The following EYA1 variants were observed in gnomAD, a reference collection of about 807,000 sequenced individuals.
EYA1 encodes the protein protein phosphatase EYA1.
In EYA1, 16 loss-of-function variants were observed where a neutral mutation model predicts 82.0. The ratio of observed to expected loss-of-function variants is 0.20; its 90% CI spans 0.13 to 0.30. The LOEUF (loss-of-function observed/expected upper bound fraction) is 0.30, where lower values mean the gene tolerates loss of function less well. EYA1 is among the 10% of genes least tolerant of loss of function. EYA1 has a pLI of 1.00. For missense variants in EYA1, 633 were observed against 730.7 expected (o/e 0.87, Z 1.54); for synonymous variants, 261 against 264.4 (o/e 0.99, Z 0.12).
intron 3 of EYA1, among the ~76,000 whole-genome samples, chr8:71,335,491 C>T (rs939947295): frequency 6.6e-5 from 10 of 152,136 alleles, no homozygotes; most frequent in Non-Finnish European, 1.2e-4. Flanking sequence ...AAACAACAAT[C>T]GTGAGACTAA....
rs764086093 is a variant in EYA1, at chr8:71,281,681, G to A, written c.827-9784C>T. Reference sequence around the variant, plus strand: ...TGTGGCTAGGGCCAGTCTCCTGGAGGTGCAGCCTGTGCACTCCCACAGGGC... The same window carrying A: ...TGTGGCTAGGGCCAGTCTCCTGGAGATGCAGCCTGTGCACTCCCACAGGGC... On this transcript the variant is annotated intron_variant, in intron 9 of 17. Transcript: ENST00000340726. 1.8e-4 allele frequency among the ~76,000 whole-genome samples: 28 copies of A among 152,258 alleles called. 1 individual carries two copies. The highest frequency in any genetic ancestry group is 1.7e-3 in the Admixed American group (26 of 15,294).
At chr8:71,278,853 CA>C (rs1489436449) in intron 9 of EYA1, among the ~76,000 whole-genome samples, 1 of 152,166 alleles carries the variant, frequency 6.6e-6, no homozygotes. Flanking sequence ...GTAGTGGTTG[CA>C]AAGGAAGTAG....
chr8:71,432,790 C>A (rs1034758588), intron 2 of EYA1, among the ~76,000 whole-genome samples: 1 of 152,062 alleles, frequency 6.6e-6, no homozygotes. Context: ...CTAACAGATG[C>A]CTTTGAGTAA....
chr8:71,345,688 T>C (rs1357864348), intron 3 of EYA1, among the ~76,000 whole-genome samples: 3 of 152,182 alleles, frequency 2.0e-5, no homozygotes, highest in African/African-American at 7.2e-5. Context: ...TCAGATTTGT[T>C]CAGAAAAAGA....
rs139309827 is a variant in EYA1 at position 71,467,212 on chromosome 8, T to C, written c.33+68532A>G. Among the ~76,000 whole-genome samples the C allele has an allele frequency of 2.4e-3, 365 of 152,180 alleles. 2 individuals are homozygous for C. The highest frequency in any genetic ancestry group is 8.4e-3 in the African/African-American group (347 of 41,556). On this transcript the variant is annotated intron_variant, in intron 2 of 18. Transcript: ENST00000643681. ...AAAAAATAGATAGAATTTAAAACCA[T>C]ATGTTTTTAAACATACATTTTTAAA...
intron 2 of EYA1, among the ~76,000 whole-genome samples, chr8:71,371,572 C>G (rs1001825688): frequency 1.3e-5 from 2 of 152,116 alleles, no homozygotes; most frequent in East Asian, 3.9e-4. Context: ...AAAGTTAATG[C>G]CCTACTGTTA....
At chr8:71,532,155 G>A (rs1814332877) in intron 2 of EYA1, among the ~76,000 whole-genome samples, 1 of 152,210 alleles carries the variant, frequency 6.6e-6, no homozygotes, top group African/African-American at 2.4e-5. Context: ...AGTTCCCTCA[G>A]AATTTTTAGC....
intron 3 of EYA1, among the ~76,000 whole-genome samples, chr8:71,347,386 G>A (rs1365507243): frequency 2.6e-5 from 4 of 152,066 alleles, no homozygotes; most frequent in Non-Finnish European, 1.5e-5. Context: ...GCAGTGGCAC[G>A]AATGTGGCTC....
Position 71,400,354 on chromosome 8 carries a change from C to G in EYA1, c.34-43843G>C, listed in dbSNP as rs547589216. ...CAAAAGAAATTATCATCAGAGTGAA[C>G]AGACAGCCTATAGAATGGGAGAAAA... is the stretch of plus-strand genomic sequence containing the variant. On this transcript the variant is annotated intron_variant, in intron 2 of 18. Transcript: ENST00000643681. 3.9e-5 allele frequency among the ~76,000 whole-genome samples: 6 copies of G among 152,130 alleles called. No homozygotes were observed. The East Asian group carries it at 1.2e-3, about 29-fold the overall frequency.
chr8:71,260,727 C>T (rs1483963449), intron 11 of EYA1, among the ~76,000 whole-genome samples: 3 of 152,114 alleles, frequency 2.0e-5, no homozygotes, highest in Non-Finnish European at 4.4e-5. Context: ...GGCAGCTAAG[C>T]CTCCCTGGCA....
chr8:71,323,516 T>C (rs1243288217), intron 4 of EYA1, among the ~76,000 whole-genome samples: 1 of 152,204 alleles, frequency 6.6e-6, no homozygotes, highest in Non-Finnish European at 1.5e-5. Flanking sequence ...TTCAAATCTA[T>C]GAGTAATCTT....
chr8:71,316,576 A>T (rs1821954290), intron 7 of EYA1, among the ~76,000 whole-genome samples: 1 of 152,226 alleles, frequency 6.6e-6, no homozygotes, highest in African/African-American at 2.4e-5. Context: ...TGATAATAAT[A>T]AATGTATGAG....
At chr8:71,401,485 A>C (rs1475255057) in intron 2 of EYA1, among the ~76,000 whole-genome samples, 2 of 152,206 alleles carry the variant, frequency 1.3e-5, no homozygotes, top group Admixed American at 6.5e-5. Context: ...TCAGAATAAA[A>C]TCACTTACAG....
chr8:71,476,997 T>C (rs562378752), intron 2 of EYA1, among the ~76,000 whole-genome samples: 177 of 152,150 alleles, frequency 1.2e-3, no homozygotes, highest in Middle Eastern at 3.4e-3. Context: ...TTTCAACAAA[T>C]AGTTTTGGAA....
intron 2 of EYA1, among the ~76,000 whole-genome samples, chr8:71,483,748 G>A (rs1458662413): frequency 1.3e-5 from 2 of 152,006 alleles, no homozygotes; most frequent in African/African-American, 2.4e-5. Flanking sequence ...GATGCAATGT[G>A]TAAAAATGAG....
chr8:71,505,055 C>T (rs1447492819), intron 2 of EYA1, among the ~76,000 whole-genome samples: 1 of 152,182 alleles, frequency 6.6e-6, no homozygotes, highest in Non-Finnish European at 1.5e-5. Context: ...CCGCCTTGGC[C>T]TCCCAGAGTG....
At chr8:71,424,982 C>A (rs542288099) in intron 2 of EYA1, among the ~76,000 whole-genome samples, 1 of 151,658 alleles carries the variant, frequency 6.6e-6, no homozygotes, top group Non-Finnish European at 1.5e-5. Context: ...CATTTTAGGC[C>A]GGGCGCGGTG....
chr8:71,244,358 G>C (rs762954896), intron 12 of EYA1, among the ~76,000 whole-genome samples: 3 of 152,152 alleles, frequency 2.0e-5, no homozygotes, highest in Non-Finnish European at 2.9e-5. Flanking sequence ...AATCAACAAA[G>C]TTTAAGATTC....
At chr8:71,373,577 G>C (rs28885763) in intron 2 of EYA1, among the ~76,000 whole-genome samples, 14,726 of 152,128 alleles carry the variant, frequency 0.097, 786 homozygotes, top group African/African-American at 0.11. Flanking sequence ...GCAACCTACA[G>C]ATTCAATGTG....
Sources: allele counts gnomAD v4.1 joint callset (sites outside exome capture counted in the v4.1 genomes callset), GRCh38; gene constraint gnomAD v4.1.1; transcripts MANE v1.5; gene names NCBI Gene and HGNC (gene_info 2026-07-23, HGNC 2026-07-21).